Variants in RBAK observed in about 807,000 individuals in gnomAD.
RBAK encodes the protein RB-associated KRAB zinc finger protein.
A neutral mutation model predicts 65.8 loss-of-function variants in RBAK; 39 were observed. That is an observed-to-expected ratio of 0.59 (90% CI 0.46 to 0.77). The LOEUF is 0.77. Ranked by LOEUF, RBAK falls within the 30% of genes least tolerant of loss-of-function variation. RBAK has a pLI of 0.00. For synonymous variants in RBAK, 343 were observed against 289.7 expected (o/e 1.18, Z -1.87); for missense variants, 884 against 855.1 (o/e 1.03, Z -0.42).
rs951591632 is a variant in RBAK at position 5,048,921 on chromosome 7, G to A, written c.15+830G>A. The stretch of plus-strand genomic sequence containing the variant: ...TCTTGTGATAAGTCACTGAGTGTCA[G>A]GAGAACAGCACCAAAAGGGAAATTG... On this transcript the variant is annotated intron_variant, in intron 2 of 4. Coordinates refer to ENST00000396912, the MANE Select transcript of RBAK (RefSeq NM_021163.4). The surrounding 1 kb of genome is among the most constrained non-coding windows in gnomAD (Gnocchi z 4.4). Among the ~76,000 whole-genome samples the A allele has an allele frequency of 5.3e-5, 8 of 152,118 alleles. No homozygotes were observed. The highest frequency in any genetic ancestry group is 2.6e-4 in the Admixed American group (4 of 15,270).
At chr7:5,062,493 G>A (rs936569828) in intron 4 of RBAK, among the ~76,000 whole-genome samples, 2 of 152,172 alleles carry the variant, frequency 1.3e-5, no homozygotes, top group African/African-American at 4.8e-5. Context: ...AATATCACAA[G>A]GCAAATGGAG....
At position 5,050,009 on chromosome 7, in the gene RBAK, G is replaced by C. The variant is rs562692187; in HGVS notation, c.15+1918G>C. Among the ~76,000 whole-genome samples the C allele has an allele frequency of 2.6e-5, 4 of 152,278 alleles. No homozygotes were observed. The East Asian group carries it at 7.7e-4, about 29-fold the overall frequency. ...GCTAGGATTACAGGCGTGAGCCACT[G>C]CTCCCAGCCTAGAGATGTATTCCCA... is the stretch of plus-strand genomic sequence containing the variant. On this transcript the variant is annotated intron_variant, in intron 2 of 4. Coordinates refer to ENST00000396912, the MANE Select transcript of RBAK (RefSeq NM_021163.4).
At chr7:5,052,229 C>T (rs1358183065) in intron 2 of RBAK, among the ~76,000 whole-genome samples, 4 of 152,040 alleles carry the variant, frequency 2.6e-5, no homozygotes, top group African/African-American at 7.2e-5. Context: ...TTACTTATAA[C>T]GTATTTGCAT....
chr7:5,064,210 C>CA lies in RBAK; in HGVS notation c.755dup (p.Arg253GlufsTer10), dbSNP rs1344302205. 1.9e-6 allele frequency: 3 copies of CA among 1,613,938 alleles called. No individual in the cohort carries two copies. Among genetic ancestry groups the CA allele is most frequent in the Non-Finnish European group, 2.5e-6 (3 of 1,179,958 alleles). On this transcript the variant is annotated frameshift_variant, in exon 5 of 5. Coordinates refer to ENST00000396912, the MANE Select transcript of RBAK (RefSeq NM_021163.4). LOFTEE classifies it high-confidence loss of function. The surrounding 1 kb of genome is among the most constrained non-coding windows in gnomAD (Gnocchi z 6.3). ...ACAGATGTCAAATTTTAATGCATAT[C>CA]AGAGATCACAAATGGAAATGAAGCC... is the stretch of plus-strand genomic sequence containing the variant.
At chr7:5,055,566 A>G (rs1188661161) in intron 2 of RBAK, among the ~76,000 whole-genome samples, 1 of 152,180 alleles carries the variant, frequency 6.6e-6, no homozygotes, top group Non-Finnish European at 1.5e-5. Context: ...ATTTCCAAAT[A>G]TTAAACTAGT....
rs1779282273 is a variant in RBAK at position 5,068,769 on chromosome 7, C to G, written c.*3168C>G. On this transcript the variant is annotated 3_prime_UTR_variant, in exon 5 of 5. Coordinates refer to ENST00000396912, the MANE Select transcript of RBAK (RefSeq NM_021163.4). ...TAGCCTAAAACTGCACAAAACAGAA[C>G]TATCTTAAGGCACATGTGCAATGGA... 6.6e-6 allele frequency: 1 copy of G among 152,170 alleles called. No individual in the cohort carries two copies. The highest frequency in any genetic ancestry group is 2.4e-5 in the African/African-American group (1 of 41,438). The allele number at this position is 152,170 out of a possible 1,614,324, so 9.4% of individuals were successfully genotyped here. A position where few individuals can be genotyped will look rare whatever the true frequency, so the allele number is the denominator to read the frequency against.
At chr7:5,046,743 T>TC (rs1787996176) in intron 1 of RBAK, among the ~76,000 whole-genome samples, 1 of 152,048 alleles carries the variant, frequency 6.6e-6, no homozygotes, top group Non-Finnish European at 1.5e-5. Flanking sequence ...GTCTGCTGAT[T>TC]CCCCCCTTAG....
rs757814540 is a variant in RBAK at position 5,064,725 on chromosome 7, C to T, written c.1269C>T (p.His423=). The change falls in exon 5 of 5, where the codon CAC becomes CAT. Residue 423 remains histidine (H), a synonymous_variant. Coordinates refer to ENST00000396912, the MANE Select transcript of RBAK (RefSeq NM_021163.4). The surrounding 1 kb of genome is among the most constrained non-coding windows in gnomAD (Gnocchi z 6.3). ...CTCTGATTACACATCAGAGAACACA[C>T]ACGGGAGAGAAGCCCTATCAGTGTA... ...KSTLITHQRT[H]TGEKPYQCSE... is the part of the protein sequence containing the mutation. 14 of 1,613,308 alleles carry T rather than the reference C, an allele frequency of 8.7e-6. No homozygotes were observed. The highest frequency in any genetic ancestry group is 1.7e-6 in the Non-Finnish European group (2 of 1,179,522).
At chr7:5,047,202 C>G (rs1016220664) in intron 1 of RBAK, among the ~76,000 whole-genome samples, 2 of 152,118 alleles carry the variant, frequency 1.3e-5, no homozygotes, top group African/African-American at 4.8e-5. Flanking sequence ...GAGTTAGAGA[C>G]CAGCCTAGGC....
Position 5,065,127 on chromosome 7 carries a change from T to C in RBAK, c.1671T>C (p.His557=), listed in dbSNP as rs1048483348. 3 of 1,613,774 alleles carry C rather than the reference T, an allele frequency of 1.9e-6. No individual in the cohort carries two copies. The highest frequency in any genetic ancestry group is 1.7e-6 in the Non-Finnish European group (2 of 1,179,898). Residue 557 remains histidine, a synonymous_variant, in exon 5 of 5, where the codon CAT becomes CAC. Transcript: ENST00000396912. The surrounding 1 kb of genome is among the most constrained non-coding windows in gnomAD (Gnocchi z 5.3). ...ATGAGTTGTCATACTATACTGAACA[T>C]TATAGAAGTCATTCAGAAGAGAAAC... ...LFNELSYYTE[H]YRSHSEEKPY... is the part of the protein sequence containing the mutation.
intron 2 of RBAK, among the ~76,000 whole-genome samples, chr7:5,051,693 C>T (rs539590176): frequency 2.0e-5 from 3 of 152,070 alleles, no homozygotes; most frequent in Non-Finnish European, 4.4e-5. Context: ...GAATACAGGC[C>T]AATGATATTA....
chr7:5,061,315 A>G (rs1196337299), intron 4 of RBAK, among the ~76,000 whole-genome samples: 1 of 152,148 alleles, frequency 6.6e-6, no homozygotes, highest in Non-Finnish European at 1.5e-5. Flanking sequence ...TCTGGTGGTC[A>G]TGCTCTTAAC....
intron 2 of RBAK, among the ~76,000 whole-genome samples, chr7:5,052,631 A>AT (rs1240151517): frequency 6.6e-6 from 1 of 152,208 alleles, no homozygotes; most frequent in Non-Finnish European, 1.5e-5. Context: ...TTACAATAGG[A>AT]TACTTTCATT....
In RBAK at chr7:5,065,856, A is replaced by G. The variant is rs1339827132; in HGVS notation, c.*255A>G. The G allele has an allele frequency of 3.7e-6, 1 of 267,142 alleles. No individual in the cohort carries two copies. The highest frequency in any genetic ancestry group is 6.9e-6 in the Non-Finnish European group (1 of 144,716). 16.5% of individuals were successfully genotyped at this position (267,142 alleles called of 1,614,324 possible). ...GAAGTTTTATAAATATTTAATATTT[A>G]TTTTGGATTCAAATTGTATTTACAT... On this transcript the variant is annotated 3_prime_UTR_variant, in exon 5 of 5. Coordinates refer to ENST00000396912, the MANE Select transcript of RBAK (RefSeq NM_021163.4). This position sits in a 1 kb window ranked among gnomAD's most constrained non-coding sequence, Gnocchi z 5.3.
chr7:5,064,086 C>T lies in RBAK; in HGVS notation c.630C>T (p.Cys210=), dbSNP rs751146234. The stretch of plus-strand genomic sequence containing the variant: ...AGAAACCCTTTGAATATAATGAATG[C>T]ATGGAAGCCTTAGACAATGAGGCTG... ...ILEKPFEYNE[C]MEALDNEAVF... Residue 210 remains cysteine (C), a synonymous_variant, in exon 5 of 5, where the codon TGC becomes TGT. Coordinates refer to ENST00000396912, the MANE Select transcript of RBAK (RefSeq NM_021163.4). This position sits in a 1 kb window ranked among gnomAD's most constrained non-coding sequence, Gnocchi z 6.3. 3.1e-6 allele frequency: 5 copies of T among 1,613,794 alleles called. No individual in the cohort carries two copies. The South Asian group carries it at 3.3e-5, about 11-fold the overall frequency.
chr7:5,062,966 C>T (rs1030539503), intron 4 of RBAK, among the ~76,000 whole-genome samples: 15 of 152,156 alleles, frequency 9.9e-5, no homozygotes, highest in Non-Finnish European at 2.1e-4. Flanking sequence ...TCATATTGTT[C>T]AAACACACGT....
rs769335141 is a variant in RBAK at position 5,064,740 on chromosome 7, C to T, written c.1284C>T (p.Pro428=). The change falls in exon 5 of 5, where the codon CCC becomes CCT. Residue 428 remains proline, a synonymous_variant. Coordinates refer to ENST00000396912, the MANE Select transcript of RBAK (RefSeq NM_021163.4). This position sits in a 1 kb window ranked among gnomAD's most constrained non-coding sequence, Gnocchi z 6.3. The part of the protein sequence containing the change: ...THQRTHTGEK[P]YQCSECGKFF... ...AGAGAACACACACGGGAGAGAAGCC[C>T]TATCAGTGTAGCGAGTGTGGGAAAT... 6.2e-7 allele frequency: 1 copy of T among 1,614,024 alleles called. No individual in the cohort carries two copies. The highest frequency in any genetic ancestry group is 1.7e-5 in the Admixed American group (1 of 60,012).
chr7:5,066,398 C>CT lies in RBAK; in HGVS notation c.*798dup, dbSNP rs2115049296. Reference sequence around the variant, plus strand: ...GAGTAAGATAAGATTTTCTAAAAGACTATTTTGATAAACTATACATACATA... The same window carrying CT: ...GAGTAAGATAAGATTTTCTAAAAGACTTATTTTGATAAACTATACATACATA... On this transcript the variant is annotated 3_prime_UTR_variant, in exon 5 of 5. Transcript: ENST00000396912. The CT allele has an allele frequency of 1.3e-5, 2 of 152,098 alleles. No homozygotes were observed. Among genetic ancestry groups the CT allele is most frequent in the East Asian group, 3.9e-4 (2 of 5,184 alleles). The allele number at this position is 152,098 out of a possible 1,614,324, so 9.4% of individuals were successfully genotyped here.
Position 5,065,704 on chromosome 7 carries a change from A to G in RBAK, c.*103A>G. ...TGAGAGTTCGTGTTCCTGAACGGTG[A>G]GAAGCATTTAGGCATTAGAGTCATT... On this transcript the variant is annotated 3_prime_UTR_variant, in exon 5 of 5. Coordinates refer to ENST00000396912, the MANE Select transcript of RBAK (RefSeq NM_021163.4). This position sits in a 1 kb window ranked among gnomAD's most constrained non-coding sequence, Gnocchi z 5.3. 2 of 814,192 alleles carry G rather than the reference A, an allele frequency of 2.5e-6. No individual in the cohort carries two copies. The highest frequency in any genetic ancestry group is 5.6e-5 in the South Asian group (2 of 35,544). The allele number at this position is 814,192 out of a possible 1,614,324, so 50.4% of individuals were successfully genotyped here. A position where few individuals can be genotyped will look rare whatever the true frequency, so the allele number is the denominator to read the frequency against.
Sources: gnomAD v4.1 joint callset for allele counts (sites outside exome capture counted in the v4.1 genomes callset) on GRCh38, gnomAD v4.1.1 for gene constraint, Gnocchi (gnomAD v3.1) non-coding constraint, MANE v1.5 for transcripts, NCBI Gene and HGNC (gene_info 2026-07-23, HGNC 2026-07-21) for gene names.